The following GALNT12 variants were observed in gnomAD, a reference collection of about 807,000 sequenced individuals.
The protein encoded by GALNT12 is polypeptide N-acetylgalactosaminyltransferase 12.
Under a neutral mutation model 55.5 loss-of-function variants are expected in GALNT12, and 45 were observed. The observed-to-expected ratio is 0.81, with a 90% confidence interval of 0.64 to 1.04. The LOEUF (loss-of-function observed/expected upper bound fraction) is 1.04. Ranked by LOEUF, GALNT12 falls within the 50% of genes least tolerant of loss-of-function variation. The probability of loss-of-function intolerance (pLI) is 0.00; values close to 1 mark genes in which losing one functional copy is unlikely to be tolerated. For missense variants in GALNT12, 709 were observed against 754.8 expected, an observed-to-expected ratio of 0.94 and a Z score of 0.71; for synonymous variants, 304 against 312.2, an observed-to-expected ratio of 0.97 and a Z score of 0.28.
chr9:98,840,223 T>A, intron 7 of GALNT12, 90 bp downstream of exon 7: 2 of 1,517,396 alleles, frequency 1.3e-6, no homozygotes, highest in South Asian at 1.1e-5. Context: ...GGCCACGTCA[T>A]GGGGAGCACT....
At chr9:98,845,105 T>A (rs1477589684) in intron 8 of GALNT12, among the ~76,000 whole-genome samples, 2 of 152,184 alleles carry the variant, frequency 1.3e-5, no homozygotes, top group Non-Finnish European at 2.9e-5. Context: ...TTTTCAACAC[T>A]GTTTAGAACA....
rs1289662439 is a variant in GALNT12, at chr9:98,845,958, T to G, written c.1459-19T>G. Reference sequence around the variant, plus strand: ...TCAGTGGAAAATGTTGTGTTACATGTTGGCTGCCCCATTTTTAGTTTTTCG... The same window carrying G: ...TCAGTGGAAAATGTTGTGTTACATGGTGGCTGCCCCATTTTTAGTTTTTCG... On this transcript the variant is annotated intron_variant, in intron 8 of 9. Transcript: ENST00000375011. 3.1e-6 allele frequency: 5 copies of G among 1,613,696 alleles called. No individual in the cohort carries two copies. In the East Asian group the frequency reaches 1.1e-4, roughly 36 times the overall value.
chr9:98,835,105 C>G (rs552549089), intron 4 of GALNT12, 144 bp from the exon 5 acceptor site: 1 of 743,540 alleles, frequency 1.3e-6, no homozygotes, highest in African/African-American at 1.7e-5. Context: ...CAGGCCCAGC[C>G]TAGTGTGGGG....
chr9:98,836,879 C>G (rs1836161492), intron 5 of GALNT12, 93 bp from the exon 6 acceptor site: 3 of 1,336,558 alleles, frequency 2.2e-6, no homozygotes, highest in South Asian at 1.2e-5. Context: ...GTCCATCATG[C>G]CTTGCGTGTG....
chr9:98,826,084 G>A (rs560297935), intron 2 of GALNT12, among the ~76,000 whole-genome samples: 1 of 152,274 alleles, frequency 6.6e-6, no homozygotes, highest in South Asian at 2.1e-4. Context: ...AGAATTTGGA[G>A]CCGGGTTCCC....
intron 3 of GALNT12, 62 bp from the exon 4 acceptor site, chr9:98,831,710 C>T (rs1588449746): frequency 1.0e-5 from 16 of 1,582,504 alleles, no homozygotes; most frequent in Middle Eastern, 1.7e-4. Context: ...TTGAATTTCC[C>T]AATTGTCTTC....
chr9:98,828,399 C>T (rs550450502), intron 3 of GALNT12, among the ~76,000 whole-genome samples: 3 of 152,298 alleles, frequency 2.0e-5, no homozygotes, highest in South Asian at 2.1e-4. Context: ...CAGTTATGGC[C>T]GAGTGCTCCC....
intron 5 of GALNT12, among the ~76,000 whole-genome samples, chr9:98,836,541 G>A (rs780631598): frequency 2.7e-5 from 4 of 150,746 alleles, no homozygotes; most frequent in South Asian, 2.1e-4. Flanking sequence ...TCTTCCTTAG[G>A]TGTCAGGCTG....
intron 1 of GALNT12, 60 bp from the exon 2 acceptor site, chr9:98,823,196 C>G: frequency 6.7e-7 from 1 of 1,495,922 alleles, no homozygotes; most frequent in Non-Finnish European, 9.3e-7. Context: ...CTTTGTCACT[C>G]CATCCCCAGT....
rs527265173 is a variant in GALNT12 at position 98,833,919 on chromosome 9, T to C, written c.918-1330T>C. ...TGCCTCAGTTATCTCATCTGTATAA[T>C]AGGTACCAGCATATCCACCCTGCTT... On this transcript the variant is annotated intron_variant, in intron 4 of 9. Coordinates refer to ENST00000375011, the MANE Select transcript of GALNT12 (RefSeq NM_024642.5). Among the ~76,000 whole-genome samples, 9 of 152,272 alleles carry C rather than the reference T, an allele frequency of 5.9e-5. 1 individual carries two copies. The East Asian group carries it at 1.7e-3, about 29-fold the overall frequency.
intron 3 of GALNT12, among the ~76,000 whole-genome samples, chr9:98,827,918 C>T (rs558483451): frequency 1.3e-5 from 2 of 152,298 alleles, no homozygotes. Flanking sequence ...ACCTTCCCCC[C>T]TCAAGAAGCC....
At chr9:98,829,153 TTATCTATCTATC>T (rs57899489) in intron 3 of GALNT12, among the ~76,000 whole-genome samples, 1,476 of 141,976 alleles carry the variant, frequency 0.01, 44 homozygotes, top group East Asian at 0.078. Flanking sequence ...GTAATTTTTT[TTATCTATCTATC>T]TATCTATCTA....
At chr9:98,844,830 C>G (rs1457783080) in intron 8 of GALNT12, among the ~76,000 whole-genome samples, 2 of 152,060 alleles carry the variant, frequency 1.3e-5, no homozygotes, top group Non-Finnish European at 2.9e-5. Context: ...CTGGGGGAGT[C>G]TGAAGACCAG....
intron 1 of GALNT12, among the ~76,000 whole-genome samples, chr9:98,813,841 G>T (rs1271848362): frequency 1.3e-5 from 2 of 151,820 alleles, no homozygotes; most frequent in African/African-American, 2.4e-5. Flanking sequence ...AGATTTTTTG[G>T]GTGTATATAC....
intron 7 of GALNT12, among the ~76,000 whole-genome samples, chr9:98,842,067 G>C (rs534701589): frequency 4.0e-5 from 3 of 75,750 alleles, no homozygotes; most frequent in African/African-American, 1.4e-4. Context: ...GTATCTACTG[G>C]GTTGTTTTTT....
chr9:98,829,534 A>G (rs1230511546), intron 3 of GALNT12, among the ~76,000 whole-genome samples: 1 of 151,840 alleles, frequency 6.6e-6, no homozygotes, highest in East Asian at 1.9e-4. Context: ...TTTTTACTAT[A>G]GTCACTCTGT....
intron 1 of GALNT12, among the ~76,000 whole-genome samples, chr9:98,816,086 T>C (rs1013040776): frequency 1.3e-5 from 2 of 152,240 alleles, no homozygotes; most frequent in African/African-American, 2.4e-5. Context: ...TACTATACTA[T>C]ATTTTCTTCT....
intron 1 of GALNT12, among the ~76,000 whole-genome samples, chr9:98,813,078 G>A (rs1835527701): frequency 6.6e-6 from 1 of 152,190 alleles, no homozygotes; most frequent in African/African-American, 2.4e-5. Context: ...ATTCTTTCCT[G>A]AGTCAGAGAC....
At chr9:98,810,106 T>G (rs1476482628) in intron 1 of GALNT12, among the ~76,000 whole-genome samples, 1 of 152,228 alleles carries the variant, frequency 6.6e-6, no homozygotes, top group Non-Finnish European at 1.5e-5. Flanking sequence ...CAGGGTATTT[T>G]GTGGCATCTC....
Sources: gnomAD v4.1 joint callset for allele counts (sites outside exome capture counted in the v4.1 genomes callset) on GRCh38, gnomAD v4.1.1 for gene constraint, MANE v1.5 for transcripts, NCBI Gene and HGNC (gene_info 2026-07-23, HGNC 2026-07-21) for gene names.